Variants in IL1RAPL1 observed in about 807,000 individuals in gnomAD.
IL1RAPL1 encodes the protein interleukin-1 receptor accessory protein-like 1.
IL1RAPL1 carries 3 observed loss-of-function variants against 48.4 expected under a neutral mutation model. That is an observed-to-expected ratio of 0.06 (90% CI 0.03 to 0.16). IL1RAPL1 has a LOEUF of 0.16. IL1RAPL1 is among the 10% of genes least tolerant of loss of function. IL1RAPL1 has a pLI of 1.00. For missense variants in IL1RAPL1, 349 were observed against 530.6 expected, an observed-to-expected ratio of 0.66 and a Z score of 3.36; for synonymous variants, 185 against 187.7, an observed-to-expected ratio of 0.99 and a Z score of 0.12.
chrX:28,904,465 C>G (rs1387974819), intron 2 of IL1RAPL1, among the ~76,000 whole-genome samples: 1 of 111,980 alleles, frequency 8.9e-6, no homozygotes, highest in African/African-American at 3.2e-5. Context: ...ATCTGACAGG[C>G]CGTAGCTTAA....
chrX:29,790,761 A>C (rs1364995629), intron 6 of IL1RAPL1, among the ~76,000 whole-genome samples: 3 of 111,433 alleles, frequency 2.7e-5, no homozygotes. Flanking sequence ...CTTTATTGCA[A>C]GCTTCCCCAC....
At chrX:28,798,907 G>T (rs1936643543) in intron 2 of IL1RAPL1, among the ~76,000 whole-genome samples, 1 of 111,868 alleles carries the variant, frequency 8.9e-6, no homozygotes, top group Admixed American at 9.5e-5. Context: ...TGATGCTTTG[G>T]ATCTTAAGAA....
intron 6 of IL1RAPL1, among the ~76,000 whole-genome samples, chrX:29,843,296 G>A (rs1444508797): frequency 8.9e-6 from 1 of 112,223 alleles, no homozygotes; most frequent in Non-Finnish European, 1.9e-5. Context: ...ATGGGCCTTA[G>A]TAGTATAAAA....
At chrX:29,127,638 C>T (rs761506481) in intron 2 of IL1RAPL1, among the ~76,000 whole-genome samples, 4 of 111,692 alleles carry the variant, frequency 3.6e-5, no homozygotes, top group African/African-American at 6.5e-5. Context: ...AGCACACCTC[C>T]ACGTGGAAAT....
At chrX:28,699,729 G>C (rs944295999) in intron 1 of IL1RAPL1, among the ~76,000 whole-genome samples, 1 of 112,024 alleles carries the variant, frequency 8.9e-6, no homozygotes, top group African/African-American at 3.2e-5. Flanking sequence ...GCTGTCTACT[G>C]TTAATGGACC....
At chrX:29,495,459 C>T (rs1223249476) in intron 5 of IL1RAPL1, among the ~76,000 whole-genome samples, 1 of 111,455 alleles carries the variant, frequency 9.0e-6, no homozygotes, top group Non-Finnish European at 1.9e-5. Context: ...GCATCTATCT[C>T]GTAATCTAAT....
intron 5 of IL1RAPL1, among the ~76,000 whole-genome samples, chrX:29,449,729 AC>A (rs770397750): frequency 5.6e-5 from 5 of 89,341 alleles, no homozygotes; most frequent in Non-Finnish European, 1.1e-4. Context: ...ACTTATGCAT[AC>A]ATATGCATAC....
chrX:29,422,103 G>T (rs5973784), intron 5 of IL1RAPL1, among the ~76,000 whole-genome samples: 1,892 of 111,408 alleles, frequency 0.017, 38 homozygotes, highest in African/African-American at 0.059. Context: ...AGGAATTTTG[G>T]TGAGGGACAA....
At chrX:28,936,399 A>G (rs1276827606) in intron 2 of IL1RAPL1, among the ~76,000 whole-genome samples, 1 of 110,128 alleles carries the variant, frequency 9.1e-6, no homozygotes, top group Admixed American at 9.8e-5. Context: ...AGTTGTAACT[A>G]CTTGGGAGGC....
At chrX:28,873,920 G>T (rs1424118990) in intron 2 of IL1RAPL1, among the ~76,000 whole-genome samples, 2 of 106,555 alleles carry the variant, frequency 1.9e-5, no homozygotes, top group South Asian at 4.2e-4. Context: ...GGACTTATTT[G>T]GCTCATTGGC....
rs774637952 is a variant in IL1RAPL1, at chrX:29,458,010, C to T, written c.703+58702C>T. The stretch of plus-strand genomic sequence containing the variant: ...ACATCCTTTGATCTCGAACTCCTAA[C>T]CCCAAGTGATCCACCTGCCTCAGCC... On this transcript the variant is annotated intron_variant, in intron 5 of 10. Transcript: ENST00000378993. 3.6e-5 allele frequency among the ~76,000 whole-genome samples: 4 copies of T among 111,895 alleles called. No homozygotes were observed. The South Asian group carries it at 1.5e-3, about 42-fold the overall frequency.
At chrX:29,257,057 A>G (rs776711483) in intron 2 of IL1RAPL1, among the ~76,000 whole-genome samples, 1 of 111,929 alleles carries the variant, frequency 8.9e-6, no homozygotes, top group Admixed American at 9.5e-5. Context: ...TGAAAGTAAT[A>G]AATTCAGAAG....
intron 2 of IL1RAPL1, among the ~76,000 whole-genome samples, chrX:28,991,986 C>G (rs182200759): frequency 3.7e-4 from 41 of 111,597 alleles, no homozygotes; most frequent in African/African-American, 1.3e-3. Flanking sequence ...CTCTTTCAGT[C>G]AAATCTAGGT....
At chrX:29,043,284 C>A (rs932509019) in intron 2 of IL1RAPL1, among the ~76,000 whole-genome samples, 1 of 111,157 alleles carries the variant, frequency 9.0e-6, no homozygotes, top group African/African-American at 3.3e-5. Flanking sequence ...TTATTTGCCC[C>A]CTTTTGAAAA....
chrX:28,697,422 T>G (rs1416735183), intron 1 of IL1RAPL1, among the ~76,000 whole-genome samples: 1 of 111,284 alleles, frequency 9.0e-6, no homozygotes, highest in Non-Finnish European at 1.9e-5. Flanking sequence ...AAGATGGATT[T>G]TCTTGTCTCT....
intron 2 of IL1RAPL1, among the ~76,000 whole-genome samples, chrX:28,831,736 T>A (rs755567242): frequency 9.0e-6 from 1 of 111,686 alleles, no homozygotes; most frequent in African/African-American, 3.2e-5. Flanking sequence ...AAAGTTGATT[T>A]TGATAATTTT....
chrX:29,407,147 A>G, intron 5 of IL1RAPL1, among the ~76,000 whole-genome samples: 1 of 111,777 alleles, frequency 8.9e-6, no homozygotes, highest in Non-Finnish European at 1.9e-5. Context: ...GCTGCTTAGC[A>G]TGCTATCAAA....
At chrX:28,649,992 T>C (rs978279594) in intron 1 of IL1RAPL1, among the ~76,000 whole-genome samples, 1 of 111,553 alleles carries the variant, frequency 9.0e-6, no homozygotes, top group Non-Finnish European at 1.9e-5. Flanking sequence ...AGGCAGCATT[T>C]TGTTCTTTTA....
intron 2 of IL1RAPL1, among the ~76,000 whole-genome samples, chrX:28,935,299 G>A (rs1923988449): frequency 9.0e-6 from 1 of 111,184 alleles, no homozygotes; most frequent in Non-Finnish European, 1.9e-5. Context: ...TTTTTACAAA[G>A]CGTAAGGCAG....
Sources: allele counts gnomAD v4.1 joint callset (sites outside exome capture counted in the v4.1 genomes callset), GRCh38; gene constraint gnomAD v4.1.1; transcripts MANE v1.5; gene names NCBI Gene and HGNC (gene_info 2026-07-23, HGNC 2026-07-21).